KLHL20: variants seen among roughly 807,000 people sequenced by gnomAD.
KLHL20 encodes the protein kelch like family member 20.
In KLHL20, 29 loss-of-function variants were observed where a neutral mutation model predicts 69.5. The ratio of observed to expected loss-of-function variants is 0.42; its 90% confidence interval spans 0.31 to 0.57. The LOEUF is 0.57. Ranked by LOEUF, KLHL20 falls within the 20% of genes least tolerant of loss-of-function variation. The probability of loss-of-function intolerance (pLI) is 0.18; values close to 1 mark genes in which losing one functional copy is unlikely to be tolerated. For missense variants in KLHL20, 419 were observed against 776.0 expected, an observed-to-expected ratio of 0.54 and a Z score of 5.47; for synonymous variants, 253 against 265.2, an observed-to-expected ratio of 0.95 and a Z score of 0.45.
chr1:173,758,291 C>T (rs1352929796), intron 7 of KLHL20, among the ~76,000 whole-genome samples: 1 of 151,148 alleles, frequency 6.6e-6, no homozygotes, highest in Non-Finnish European at 1.5e-5. Context: ...AAAAAGAAAA[C>T]AACACACACA....
chr1:173,747,796 T>G (rs1369676532), intron 3 of KLHL20, among the ~76,000 whole-genome samples: 1 of 151,846 alleles, frequency 6.6e-6, no homozygotes, highest in East Asian at 1.9e-4. Context: ...TATATTTTTG[T>G]TCCACTGGTT....
chr1:173,782,199 G>C lies in KLHL20; in HGVS notation c.1714G>C (p.Glu572Gln). ...TGGCACAACATACTTGAAGACCATA[G>C]AAGTTTTTGATCCTGATGCCAATAC... ...FDGTTYLKTIEVFDPDANTWR... is the reference protein window; with the variant it reads ...FDGTTYLKTIQVFDPDANTWR... Residue 572 changes from glutamate to glutamine, a missense_variant, in exon 11 of 12, where the codon GAA becomes CAA. Physicochemically the swap from Glu to Gln is conservative, Grantham distance 29. Around this residue, in one of 6 missense-constraint regions of KLHL20, gnomAD observed 79 missense variants for 154.4 expected, o/e 0.51. Transcript: ENST00000209884. 6.2e-7 allele frequency: 1 copy of C among 1,613,962 alleles called. No individual in the cohort carries two copies. The highest frequency in any genetic ancestry group is 1.3e-5 in the African/African-American group (1 of 75,030).
chr1:173,743,829 GT>G (rs1320811142), intron 3 of KLHL20, among the ~76,000 whole-genome samples: 1 of 151,988 alleles, frequency 6.6e-6, no homozygotes, highest in Non-Finnish European at 1.5e-5. Context: ...TTCCATATTA[GT>G]TGTTTTAGAT....
chr1:173,740,477 T>G (rs10912676), intron 3 of KLHL20, among the ~76,000 whole-genome samples: 73,983 of 151,628 alleles, frequency 0.49, 20,519 homozygotes, highest in African/African-American at 0.76. Flanking sequence ...CTTGAGGTTT[T>G]ACCTTAGATT....
At chr1:173,753,443 C>A in intron 5 of KLHL20, 136 bp downstream of exon 5, 1 of 658,884 alleles carries the variant, frequency 1.5e-6, no homozygotes, top group Non-Finnish European at 2.6e-6. Context: ...AGGTTTTCTT[C>A]TGGGCTAGAG....
intron 3 of KLHL20, among the ~76,000 whole-genome samples, chr1:173,750,156 C>T (rs1360043070): frequency 1.3e-5 from 2 of 152,116 alleles, no homozygotes; most frequent in Admixed American, 6.6e-5. Context: ...TCCTGAACCT[C>T]AGAAAGTCTC....
chr1:173,725,850 C>A (rs1257923598), intron 2 of KLHL20, among the ~76,000 whole-genome samples: 1 of 152,188 alleles, frequency 6.6e-6, no homozygotes, highest in Admixed American at 6.5e-5. Context: ...TTCTGCATTT[C>A]CAACTGAGGT....
intron 10 of KLHL20, among the ~76,000 whole-genome samples, chr1:173,778,219 T>G (rs1200463384): frequency 6.6e-6 from 1 of 152,040 alleles, no homozygotes; most frequent in East Asian, 1.9e-4. Context: ...TATCACTCCC[T>G]CAGCCCCCCA....
At chr1:173,779,062 A>T (rs923669353) in intron 10 of KLHL20, among the ~76,000 whole-genome samples, 11 of 151,566 alleles carry the variant, frequency 7.3e-5, no homozygotes, top group African/African-American at 2.4e-4. Flanking sequence ...TACTTTTTTG[A>T]TGTAGGCTCT....
intron 3 of KLHL20, among the ~76,000 whole-genome samples, chr1:173,750,447 C>T (rs1490929255): frequency 6.6e-6 from 1 of 151,612 alleles, no homozygotes; most frequent in African/African-American, 2.4e-5. Context: ...GTAGAAGGGA[C>T]TACAGGCACG....
chr1:173,716,866 C>T (rs1019687138), intron 2 of KLHL20, among the ~76,000 whole-genome samples: 1 of 152,134 alleles, frequency 6.6e-6, no homozygotes, highest in African/African-American at 2.4e-5. Context: ...GGAGCAAGAA[C>T]CAGAATGTAT....
At chr1:173,765,502 C>CAA (rs533264382) in intron 7 of KLHL20, among the ~76,000 whole-genome samples, 1 of 127,744 alleles carries the variant, frequency 7.8e-6, no homozygotes. Context: ...GACTCCGTCT[C>CAA]AAAAAAAAAA....
chr1:173,720,777 T>C (rs1401853459), intron 2 of KLHL20, among the ~76,000 whole-genome samples: 1 of 152,030 alleles, frequency 6.6e-6, no homozygotes, highest in Non-Finnish European at 1.5e-5. Context: ...ACTCCAAACT[T>C]AGGAAACCAG....
chr1:173,716,161 T>C (rs182686326), intron 2 of KLHL20, 95 bp downstream of exon 2: 2 of 1,206,594 alleles, frequency 1.7e-6, no homozygotes, highest in African/African-American at 3.1e-5. Flanking sequence ...CTTACTAAAT[T>C]CTGCTTGGAA....
At chr1:173,771,227 A>G (rs1182584143) in intron 8 of KLHL20, among the ~76,000 whole-genome samples, 1 of 152,190 alleles carries the variant, frequency 6.6e-6, no homozygotes, top group East Asian at 1.9e-4. Flanking sequence ...CAAACTTCAG[A>G]CAAAATTACT....
chr1:173,773,459 AT>A (rs1178980583), intron 8 of KLHL20, among the ~76,000 whole-genome samples: 4 of 150,370 alleles, frequency 2.7e-5, no homozygotes, highest in Non-Finnish European at 5.9e-5. Flanking sequence ...ATTAATTAAA[AT>A]TTTTTTAAAT....
chr1:173,760,486 T>C (rs751299509), intron 7 of KLHL20, among the ~76,000 whole-genome samples: 9 of 152,190 alleles, frequency 5.9e-5, no homozygotes, highest in Non-Finnish European at 1.3e-4. Context: ...GGGTAACTTA[T>C]AAAGGAAAAC....
chr1:173,723,334 T>G (rs1018199762), intron 2 of KLHL20, among the ~76,000 whole-genome samples: 3 of 152,262 alleles, frequency 2.0e-5, no homozygotes, highest in African/African-American at 7.2e-5. Flanking sequence ...ATTCTTTAAC[T>G]GCTCAGCTTT....
At chr1:173,774,463 G>C (rs368118196) in intron 9 of KLHL20, 25 bp downstream of exon 9, 2 of 1,613,156 alleles carry the variant, frequency 1.2e-6, no homozygotes, top group African/African-American at 2.7e-5. Flanking sequence ...AAGGCAATCA[G>C]GTTCCCCAAA....
Sources: allele counts gnomAD v4.1 joint callset (sites outside exome capture counted in the v4.1 genomes callset), GRCh38; gene constraint gnomAD v4.1.1; regional missense constraint gnomAD v4.1.1; transcripts MANE v1.5; gene names NCBI Gene and HGNC (gene_info 2026-07-23, HGNC 2026-07-21).